Variants in TENM2 observed in about 807,000 individuals in gnomAD.
The protein encoded by TENM2 is teneurin transmembrane protein 2.
Under a neutral mutation model 245.2 loss-of-function variants are expected in TENM2, and 52 were observed. The ratio of observed to expected loss-of-function variants is 0.21; its 90% CI spans 0.17 to 0.27. The LOEUF is 0.27. Among genes scored for constraint, TENM2 ranks in the 10% least tolerant of loss-of-function variants. The pLI is 1.00. For synonymous variants in TENM2, 1,363 were observed against 1,438.9 expected (o/e 0.95, Z 1.19); for missense variants, 3,046 against 3,666.8 (o/e 0.83, Z 4.37).
At chr5:168,233,596 T>G (rs1487934907) in intron 25 of TENM2, among the ~76,000 whole-genome samples, 1 of 152,198 alleles carries the variant, frequency 6.6e-6, no homozygotes, top group Non-Finnish European at 1.5e-5. Flanking sequence ...TCAGACTAAC[T>G]TAGAAGAGTA....
At chr5:167,519,351 A>C (rs1770606237) in intron 2 of TENM2, among the ~76,000 whole-genome samples, 1 of 152,116 alleles carries the variant, frequency 6.6e-6, no homozygotes, top group African/African-American at 2.4e-5. Flanking sequence ...TGATCAATTA[A>C]GGTCTTTGAT....
intron 3 of TENM2, among the ~76,000 whole-genome samples, chr5:167,880,818 T>C (rs1412124003): frequency 6.6e-6 from 1 of 152,226 alleles, no homozygotes; most frequent in African/African-American, 2.4e-5. Flanking sequence ...TTAGTTCTTA[T>C]AAAGGACCAT....
At chr5:167,766,679 C>T (rs981447045) in intron 2 of TENM2, among the ~76,000 whole-genome samples, 2 of 152,030 alleles carry the variant, frequency 1.3e-5, no homozygotes, top group African/African-American at 4.8e-5. Flanking sequence ...GAGTTCGAGA[C>T]CAGCCTGGCC....
chr5:168,228,097 A>T, exon 25 of TENM2: 1 of 1,613,782 alleles, frequency 6.2e-7, no homozygotes, highest in Non-Finnish European at 8.5e-7. Context: ...AACAGATTAA[A>T]GGCAAAGTCA....
chr5:168,172,967 C>G (rs1256500629), intron 13 of TENM2, among the ~76,000 whole-genome samples: 1 of 152,090 alleles, frequency 6.6e-6, no homozygotes, highest in Non-Finnish European at 1.5e-5. Context: ...GCGAGGTGTT[C>G]CCCCAAACCT....
chr5:168,227,847 A>G, intron 24 of TENM2, 48 bp from the exon 27 acceptor site: 3 of 1,223,808 alleles, frequency 2.5e-6, no homozygotes, highest in Non-Finnish European at 3.5e-6. Context: ...TGACTAATAG[A>G]GCGGATAATT....
At chr5:167,154,178 T>C in the TENM2 span, among the ~76,000 whole-genome samples, 1 of 152,250 alleles carries the variant, frequency 6.6e-6, no homozygotes, top group Non-Finnish European at 1.5e-5. Flanking sequence ...TCTGTTCTTG[T>C]GTATATGTAT....
At chr5:167,052,726 T>C in the TENM2 span, among the ~76,000 whole-genome samples, 5 of 152,162 alleles carry the variant, frequency 3.3e-5, no homozygotes, top group African/African-American at 1.2e-4. Context: ...ATATAGACGA[T>C]ATATGTAAAG....
chr5:167,863,486 C>A (rs907063219), intron 2 of TENM2, among the ~76,000 whole-genome samples: 25 of 148,288 alleles, frequency 1.7e-4, no homozygotes, highest in African/African-American at 6.5e-4. Context: ...CACACACACA[C>A]ACACAAAATT....
chr5:167,060,040 A>G, the TENM2 span, among the ~76,000 whole-genome samples: 1 of 152,226 alleles, frequency 6.6e-6, no homozygotes, highest in South Asian at 2.1e-4. Context: ...TCAACTTAGA[A>G]CTTGTTTTAA....
In TENM2 at chr5:167,922,917, C is replaced by T. The variant is rs144250578; in HGVS notation, c.713-29671C>T. 2.8e-3 allele frequency among the ~76,000 whole-genome samples: 431 copies of T among 152,320 alleles called. 2 individuals carry two copies. The highest frequency in any genetic ancestry group is 9.9e-3 in the African/African-American group (411 of 41,576). ...TCATGTCCCTGGAACAAAGAAAGGGCAAGGAGACAGTAGAATGGCTTACAG... is the reference window on the plus strand; with the variant it reads ...TCATGTCCCTGGAACAAAGAAAGGGTAAGGAGACAGTAGAATGGCTTACAG... On this transcript the variant is annotated intron_variant, in intron 3 of 28. Transcript: ENST00000518659.
intron 5 of TENM2, among the ~76,000 whole-genome samples, chr5:168,046,326 G>A (rs1788603420): frequency 6.6e-6 from 1 of 152,228 alleles, no homozygotes; most frequent in Non-Finnish European, 1.5e-5. Context: ...CTCTCCTGCG[G>A]TGGTAGGAAT....
chr5:167,862,586 G>C (rs1416083053), intron 2 of TENM2, among the ~76,000 whole-genome samples: 1 of 152,160 alleles, frequency 6.6e-6, no homozygotes, highest in African/African-American at 2.4e-5. Flanking sequence ...TGTGCCCCAA[G>C]GCCATTTTTC....
chr5:167,986,344 A>G (rs949303838), intron 4 of TENM2, among the ~76,000 whole-genome samples: 20 of 152,348 alleles, frequency 1.3e-4, no homozygotes, highest in African/African-American at 4.8e-4. Context: ...AAGAAGTCAC[A>G]GGAATGCAGG....
At chr5:168,114,543 A>G (rs1384358955) in intron 9 of TENM2, among the ~76,000 whole-genome samples, 1 of 152,234 alleles carries the variant, frequency 6.6e-6, no homozygotes, top group Non-Finnish European at 1.5e-5. Context: ...GTTATGTCTG[A>G]GAATGAATCA....
chr5:167,551,176 T>G (rs566826629), intron 2 of TENM2, among the ~76,000 whole-genome samples: 1 of 152,362 alleles, frequency 6.6e-6, no homozygotes, highest in African/African-American at 2.4e-5. Flanking sequence ...CCTCCTTGTT[T>G]AGTAATGCAT....
At chr5:167,168,439 C>T in the TENM2 span, 1 of 152,318 alleles carries the variant, frequency 6.6e-6, no homozygotes, top group Non-Finnish European at 1.5e-5. Flanking sequence ...CTTGTTTTCT[C>T]CAATACCAGC....
intron 1 of TENM2, among the ~76,000 whole-genome samples, chr5:167,341,896 C>T (rs1216505903): frequency 6.6e-6 from 1 of 152,056 alleles, no homozygotes; most frequent in Non-Finnish European, 1.5e-5. Context: ...CCCAATTCAT[C>T]TCCCCAAATA....
At chr5:167,459,234 A>C (rs1423075328) in intron 2 of TENM2, among the ~76,000 whole-genome samples, 1 of 152,166 alleles carries the variant, frequency 6.6e-6, no homozygotes, top group African/African-American at 2.4e-5. Context: ...TGTAAAGGGA[A>C]TCCTACGATA....
Sources: allele counts gnomAD v4.1 joint callset (sites outside exome capture counted in the v4.1 genomes callset), GRCh38; gene constraint gnomAD v4.1.1; transcripts MANE v1.5; gene names NCBI Gene and HGNC (gene_info 2026-07-23, HGNC 2026-07-21).